The following CSMD3 variants were observed in gnomAD, a reference collection of about 807,000 sequenced individuals.
The protein encoded by CSMD3 is CUB and Sushi multiple domains 3, also known as CUB and sushi domain-containing protein 3.
In CSMD3, 177 loss-of-function variants were observed where a neutral mutation model predicts 435.2. The observed-to-expected ratio is 0.41, with a 90% CI of 0.36 to 0.46. CSMD3 has a LOEUF of 0.46. Ranked by LOEUF, CSMD3 falls within the 20% of genes least tolerant of loss-of-function variation. The pLI is 0.34. For missense variants in CSMD3, 4,265 were observed against 4,504.6 expected (o/e 0.95, Z 1.52); for synonymous variants, 1,656 against 1,520.5 (o/e 1.09, Z -2.07).
rs187325877 is a variant in CSMD3 at position 112,551,520 on chromosome 8, T to C, written c.4362-647A>G. On this transcript the variant is annotated intron_variant, in intron 26 of 70. Transcript: ENST00000297405. ...CTACATACAATACATTTATGTTTGATACATGAATCGTTACAGCTTTAAATT... is the reference window on the plus strand; with the variant it reads ...CTACATACAATACATTTATGTTTGACACATGAATCGTTACAGCTTTAAATT... Among the ~76,000 whole-genome samples the C allele has an allele frequency of 1.6e-3, 248 of 152,304 alleles. 1 individual carries two copies. Among genetic ancestry groups the C allele is most frequent in the Admixed American group, 4.3e-3 (66 of 15,272 alleles).
rs11440584 is a variant in CSMD3 at position 113,308,258 on chromosome 8, CTTTTTTTTTTTT to C, written c.401+6301_401+6312del. Among the ~76,000 whole-genome samples the C allele has an allele frequency of 3.5e-3, 226 of 64,976 alleles. 2 individuals carry two copies. Among genetic ancestry groups the C allele is most frequent in the African/African-American group, 0.013 (212 of 16,346 alleles). 42.6% of individuals were successfully genotyped at this position (64,976 alleles called of 152,430 possible). On this transcript the variant is annotated intron_variant, in intron 2 of 70. Transcript: ENST00000297405. ...TAAATATCCAGTAAATCATTTAAGT[CTTTTTTTTTTTT>C]TTTTTTTTTTTTTTTTGAGATGGAG...
At chr8:112,831,557 GTTTT>G (rs5894109) in intron 11 of CSMD3, among the ~76,000 whole-genome samples, 2 of 142,960 alleles carry the variant, frequency 1.4e-5, no homozygotes, top group African/African-American at 5.1e-5. Flanking sequence ...ATGTAAAAGT[GTTTT>G]TTTTTTTTTC....
At chr8:112,824,771 G>A (rs1267985879) in intron 12 of CSMD3, among the ~76,000 whole-genome samples, 3 of 152,004 alleles carry the variant, frequency 2.0e-5, no homozygotes, top group Non-Finnish European at 2.9e-5. Flanking sequence ...GGAATCTGAT[G>A]ATTTTGTGTC....
intron 44 of CSMD3, among the ~76,000 whole-genome samples, chr8:112,336,107 A>G (rs1047488365): frequency 6.6e-6 from 1 of 151,922 alleles, no homozygotes; most frequent in Non-Finnish European, 1.5e-5. Flanking sequence ...AGAGAGTCTC[A>G]CTATGTTGCC....
At chr8:113,416,218 G>A (rs2094581154) in intron 1 of CSMD3, among the ~76,000 whole-genome samples, 1 of 151,846 alleles carries the variant, frequency 6.6e-6, no homozygotes, top group Non-Finnish European at 1.5e-5. Flanking sequence ...TGACAATCTG[G>A]GATTTTAAAA....
In CSMD3 at chr8:112,634,276, G is replaced by A. The variant is rs73336574; in HGVS notation, c.3715+2541C>T. Among the ~76,000 whole-genome samples, 401 of 151,944 alleles carry A rather than the reference G, an allele frequency of 2.6e-3. 3 individuals carry two copies. The highest frequency in any genetic ancestry group is 8.9e-3 in the African/African-American group (370 of 41,476). ...AACAAAATAAGAAATATACACATAC[G>A]TGTGTTTAGAATCAGAAATTCAAGA... On this transcript the variant is annotated intron_variant, in intron 22 of 70. Transcript: ENST00000297405.
At chr8:112,863,489 CTTAATA>C (rs780164939) in intron 10 of CSMD3, among the ~76,000 whole-genome samples, 2 of 151,888 alleles carry the variant, frequency 1.3e-5, no homozygotes, top group Non-Finnish European at 2.9e-5. Flanking sequence ...GAGCCTTTTT[CTTAATA>C]TTGACCTACT....
rs1236710496 is a variant in CSMD3 at position 113,075,513 on chromosome 8, AC to A, written c.917+23242del. The stretch of plus-strand genomic sequence containing the variant: ...CTCATATAACCATCCTAAATGTTAA[AC>A]TTTTGATGCTGAAGATCACTATGAA... On this transcript the variant is annotated intron_variant, in intron 5 of 70. Coordinates refer to ENST00000297405, the MANE Select transcript of CSMD3 (RefSeq NM_198123.2). 1.1e-4 allele frequency among the ~76,000 whole-genome samples: 17 copies of A among 151,968 alleles called. No individual in the cohort carries two copies. In the East Asian group the frequency reaches 3.3e-3, roughly 29 times the overall value.
chr8:112,223,321 G>T lies in CSMD3; in HGVS notation c.*1450C>A, dbSNP rs796947245. The T allele has an allele frequency of 1.4e-5, 5 of 347,472 alleles. No homozygotes were observed. The highest frequency in any genetic ancestry group is 1.0e-4 in the African/African-American group (5 of 47,912). 21.5% of individuals were successfully genotyped at this position (347,472 alleles called of 1,614,324 possible). A position where few individuals can be genotyped will look rare whatever the true frequency, so the allele number is the denominator to read the frequency against. ...CCAAGCAGCGCTCCCAGGTGCAAGGGTTTCTCTTAGGCACTCTGTCTCATG... is the reference window on the plus strand; with the variant it reads ...CCAAGCAGCGCTCCCAGGTGCAAGGTTTTCTCTTAGGCACTCTGTCTCATG... On this transcript the variant is annotated 3_prime_UTR_variant, in exon 71 of 71. Transcript: ENST00000297405.
intron 23 of CSMD3, among the ~76,000 whole-genome samples, chr8:112,576,413 TA>T (rs929921389): frequency 6.6e-6 from 1 of 152,084 alleles, no homozygotes; most frequent in African/African-American, 2.4e-5. Flanking sequence ...TAACTAAAAT[TA>T]AAAAAATAAC....
intron 13 of CSMD3, among the ~76,000 whole-genome samples, chr8:112,706,180 T>C (rs2076494586): frequency 6.6e-6 from 1 of 152,056 alleles, no homozygotes. Flanking sequence ...ATTTTTCAGA[T>C]ACTCTGACCT....
At chr8:113,219,187 T>C (rs892723750) in intron 3 of CSMD3, among the ~76,000 whole-genome samples, 7 of 151,482 alleles carry the variant, frequency 4.6e-5, no homozygotes, top group African/African-American at 1.7e-4. Flanking sequence ...CATGGGTATC[T>C]ACCATTTTTG....
chr8:112,604,177 C>T (rs756534327), intron 22 of CSMD3, among the ~76,000 whole-genome samples: 2 of 152,052 alleles, frequency 1.3e-5, no homozygotes, highest in African/African-American at 4.8e-5. Flanking sequence ...TACTGCATTA[C>T]TCATAGTAAA....
intron 5 of CSMD3, among the ~76,000 whole-genome samples, chr8:113,049,657 T>A (rs1354195510): frequency 6.6e-6 from 1 of 152,168 alleles, no homozygotes; most frequent in African/African-American, 2.4e-5. Context: ...TTGTTGTGCC[T>A]TTATGTTGAC....
intron 42 of CSMD3, among the ~76,000 whole-genome samples, chr8:112,339,144 G>T (rs575621333): frequency 7.4e-4 from 112 of 152,186 alleles, no homozygotes; most frequent in African/African-American, 2.6e-3. Context: ...CAGCAGATGA[G>T]AAATTGGCTG....
At chr8:112,552,412 T>A (rs1827764958) in intron 26 of CSMD3, among the ~76,000 whole-genome samples, 182 bp downstream of exon 26, 2 of 151,860 alleles carry the variant, frequency 1.3e-5, no homozygotes, top group African/African-American at 2.4e-5. Flanking sequence ...TTTGAGCCTA[T>A]GAGGAGGAGG....
At chr8:112,829,643 G>T in intron 12 of CSMD3, 43 bp downstream of exon 12, 1 of 1,103,374 alleles carries the variant, frequency 9.1e-7, no homozygotes, top group Middle Eastern at 2.0e-4. Flanking sequence ...AATTTTATTA[G>T]TACCCGATAG....
chr8:113,269,502 G>C (rs1442130623), intron 3 of CSMD3, among the ~76,000 whole-genome samples: 1 of 152,076 alleles, frequency 6.6e-6, no homozygotes, highest in Non-Finnish European at 1.5e-5. Context: ...TCATCACCAA[G>C]TCGATCCTAA....
intron 22 of CSMD3, among the ~76,000 whole-genome samples, chr8:112,625,119 A>G (rs946234862): frequency 3.4e-4 from 51 of 152,190 alleles, no homozygotes; most frequent in African/African-American, 1.2e-3. Context: ...CTGTAATGAC[A>G]TGTTAATATT....
Sources: allele counts gnomAD v4.1 joint callset (sites outside exome capture counted in the v4.1 genomes callset), GRCh38; gene constraint gnomAD v4.1.1; transcripts MANE v1.5; gene names NCBI Gene and HGNC (gene_info 2026-07-23, HGNC 2026-07-21).